Variants in TOMM34 observed in about 807,000 individuals in gnomAD.
The protein encoded by TOMM34 is translocase of outer mitochondrial membrane 34, also known as mitochondrial import receptor subunit TOM34.
In TOMM34, 24 loss-of-function variants were observed where a neutral mutation model predicts 37.4. The ratio of observed to expected loss-of-function variants is 0.64; its 90% CI spans 0.46 to 0.90. The LOEUF (loss-of-function observed/expected upper bound fraction) is 0.90. Among genes scored for constraint, TOMM34 ranks in the 40% least tolerant of loss-of-function variants. TOMM34 has a pLI of 0.00. For missense variants in TOMM34, 304 were observed against 375.6 expected (o/e 0.81, Z 1.58); for synonymous variants, 154 against 148.9 (o/e 1.03, Z -0.25).
chr20:44,945,903 G>C (rs1256749568), intron 5 of TOMM34, among the ~76,000 whole-genome samples: 1 of 152,056 alleles, frequency 6.6e-6, no homozygotes, highest in Admixed American at 6.5e-5. Flanking sequence ...TGTCACCCAG[G>C]CTGGAGTGCA....
Position 44,960,348 on chromosome 20 carries a change from G to C in TOMM34, c.-15C>G, listed in dbSNP as rs1251563320. The C allele has an allele frequency of 1.3e-6, 2 of 1,553,278 alleles. No individual in the cohort carries two copies. The highest frequency in any genetic ancestry group is 3.7e-5 in the Admixed American group (2 of 53,998). The stretch of plus-strand genomic sequence containing the variant: ...TTGGGGGCCATCCCGTGGCCAGGCC[G>C]GCGAGTTGGGAGCTCCTTCCTTCCT... On this transcript the variant is annotated 5_prime_UTR_variant, in exon 1 of 7. Transcript: ENST00000372813.
At chr20:44,951,807 ACT>A in intron 4 of TOMM34, 24 bp downstream of exon 4, 5 of 1,604,290 alleles carry the variant, frequency 3.1e-6, no homozygotes, top group Non-Finnish European at 4.3e-6. Context: ...AGATTGCAAG[ACT>A]CTGGGCAGGG....
chr20:44,958,205 C>T (rs962136046), intron 1 of TOMM34: 8 of 383,210 alleles, frequency 2.1e-5, no homozygotes, highest in Non-Finnish European at 3.8e-5. Flanking sequence ...TAAAGCATTT[C>T]CTAAGAGGCA....
chr20:44,949,938 G>A (rs550589214), intron 4 of TOMM34, among the ~76,000 whole-genome samples: 1 of 152,216 alleles, frequency 6.6e-6, no homozygotes, highest in East Asian at 1.9e-4. Context: ...TCCCCTTAAT[G>A]TTATATTTCT....
chr20:44,943,649 T>G (rs946880057), intron 5 of TOMM34, 70 bp from the exon 6 acceptor site: 60 of 1,601,782 alleles, frequency 3.7e-5, no homozygotes, highest in Non-Finnish European at 5.0e-5. Flanking sequence ...CGCAGTAGTT[T>G]GAGAAGTGAT....
At chr20:44,950,551 G>T (rs1022933870) in intron 4 of TOMM34, among the ~76,000 whole-genome samples, 5 of 152,194 alleles carry the variant, frequency 3.3e-5, no homozygotes, top group African/African-American at 1.2e-4. Flanking sequence ...GACCCTGAAA[G>T]AATGAAATCA....
At chr20:44,948,963 A>T in intron 4 of TOMM34, 86 bp from the exon 5 acceptor site, 1 of 1,490,368 alleles carries the variant, frequency 6.7e-7, no homozygotes, top group Non-Finnish European at 9.0e-7. Context: ...GTCCCTTCCA[A>T]ACTGACTACA....
In TOMM34 at chr20:44,943,005, A is replaced by AG; in HGVS notation, c.*103dup. On this transcript the variant is annotated 3_prime_UTR_variant, in exon 7 of 7. Coordinates refer to ENST00000372813, the MANE Select transcript of TOMM34 (RefSeq NM_006809.5). Reference sequence around the variant, plus strand: ...CAAGGGATTGAGGAGGGGGCTTCAGAGCTCACTTGGGGCATGCTGGGTTTC... The same window carrying AG: ...CAAGGGATTGAGGAGGGGGCTTCAGAGGCTCACTTGGGGCATGCTGGGTTTC... The AG allele has an allele frequency of 9.3e-7, 1 of 1,074,840 alleles. No homozygotes were observed. The highest frequency in any genetic ancestry group is 1.3e-5 in the South Asian group (1 of 74,226). 66.6% of individuals were successfully genotyped at this position (1,074,840 alleles called of 1,614,324 possible).
At position 44,960,202 on chromosome 20, in the gene TOMM34, C is replaced by A; in HGVS notation, c.127+5G>T. 2 of 1,556,566 alleles carry A rather than the reference C, an allele frequency of 1.3e-6. No homozygotes were observed. Among genetic ancestry groups the A allele is most frequent in the South Asian group, 1.2e-5 (1 of 84,584 alleles). ...CCGGAGGTGAGATGGGGGCCGGGGT[C>A]GTACCTTGCGCCTGCAGCACCCGCA... On this transcript the variant is annotated splice_donor_5th_base_variant and intron_variant, in intron 1 of 6. Coordinates refer to ENST00000372813, the MANE Select transcript of TOMM34 (RefSeq NM_006809.5).
At chr20:44,949,139 A>G (rs1227729317) in intron 4 of TOMM34, among the ~76,000 whole-genome samples, 2 of 152,222 alleles carry the variant, frequency 1.3e-5, no homozygotes, top group African/African-American at 4.8e-5. Flanking sequence ...TAAATGATAA[A>G]AAGCAACCCA....
intron 2 of TOMM34, chr20:44,955,589 A>T (rs1402811641): frequency 2.2e-6 from 1 of 462,474 alleles, no homozygotes; most frequent in Admixed American, 2.3e-5. Context: ...TGGTGTCTGA[A>T]TTCCACCTCT....
Position 44,942,822 on chromosome 20 carries a change from T to C in TOMM34, c.*287A>G, listed in dbSNP as rs2066946654. On this transcript the variant is annotated 3_prime_UTR_variant, in exon 7 of 7. Coordinates refer to ENST00000372813, the MANE Select transcript of TOMM34 (RefSeq NM_006809.5). The stretch of plus-strand genomic sequence containing the variant: ...CAAATGCTTTGCTGATGAGGATCTG[T>C]TGGTGTGATCAGCTAGCTGGGCTGG... The C allele has an allele frequency of 2.0e-6, 1 of 496,646 alleles. No individual in the cohort carries two copies. The allele number at this position is 496,646 out of a possible 1,614,324, so 30.8% of individuals were successfully genotyped here.
At chr20:44,955,262 C>G in intron 2 of TOMM34, 42 bp from the exon 3 acceptor site, 1 of 1,603,510 alleles carries the variant, frequency 6.2e-7, no homozygotes, top group Non-Finnish European at 8.5e-7. Context: ...GGCTGCTGAG[C>G]CACCAGGGTT....
chr20:44,952,123 G>T, intron 3 of TOMM34, 121 bp from the exon 4 acceptor site: 1 of 1,217,756 alleles, frequency 8.2e-7, no homozygotes, highest in Non-Finnish European at 1.1e-6. Flanking sequence ...CCTCCCCCTG[G>T]TCGGAACCAC....
In TOMM34 at chr20:44,960,384, G is replaced by T. The variant is rs751825883; in HGVS notation, c.-51C>A. 6.8e-7 allele frequency: 1 copy of T among 1,472,586 alleles called. No homozygotes were observed. The highest frequency in any genetic ancestry group is 1.4e-5 in the South Asian group (1 of 73,506). 91.2% of individuals were successfully genotyped at this position (1,472,586 alleles called of 1,614,324 possible). ...AGCTCCTTCCTTCCTCCCCCGTGTG[G>T]TGCGGCACACCTTCCGGGCGCAAGC... is the stretch of plus-strand genomic sequence containing the variant. On this transcript the variant is annotated 5_prime_UTR_variant, in exon 1 of 7. Transcript: ENST00000372813.
chr20:44,960,277 A>G lies in TOMM34; in HGVS notation c.57T>C (p.Ser19=), dbSNP rs1407594116. 4 of 1,580,594 alleles carry G rather than the reference A, an allele frequency of 2.5e-6. No homozygotes were observed. Among genetic ancestry groups the G allele is most frequent in the Non-Finnish European group, 3.4e-6 (4 of 1,164,306 alleles). ...VEELRAAGNE[S]FRNGQYAEAS... The stretch of plus-strand genomic sequence containing the variant: ...CCTCGGCGTACTGGCCGTTGCGGAA[A>G]CTCTCATTGCCGGCGGCGCGGAGCT... Residue 19 remains serine (S), a synonymous_variant, in exon 1 of 7, where the codon AGT becomes AGC. Coordinates refer to ENST00000372813, the MANE Select transcript of TOMM34 (RefSeq NM_006809.5).
rs369673094 is a variant in TOMM34 at position 44,960,377 on chromosome 20, C to A, written c.-44G>T. Reference sequence around the variant, plus strand: ...AGTTGGGAGCTCCTTCCTTCCTCCCCCGTGTGGTGCGGCACACCTTCCGGG... The same window carrying A: ...AGTTGGGAGCTCCTTCCTTCCTCCCACGTGTGGTGCGGCACACCTTCCGGG... On this transcript the variant is annotated 5_prime_UTR_variant, in exon 1 of 7. Coordinates refer to ENST00000372813, the MANE Select transcript of TOMM34 (RefSeq NM_006809.5). 63 of 1,499,352 alleles carry A rather than the reference C, an allele frequency of 4.2e-5. No individual in the cohort carries two copies. Among genetic ancestry groups the A allele is most frequent in the South Asian group, 4.0e-4 (31 of 77,382 alleles). 92.9% of individuals were successfully genotyped at this position (1,499,352 alleles called of 1,614,324 possible).
chr20:44,960,206 C>T lies in TOMM34; in HGVS notation c.127+1G>A. ...AGGTGAGATGGGGGCCGGGGTCGTA[C>T]CTTGCGCCTGCAGCACCCGCAGCGC... On this transcript the variant is annotated splice_donor_variant, in intron 1 of 6. Coordinates refer to ENST00000372813, the MANE Select transcript of TOMM34 (RefSeq NM_006809.5). LOFTEE classifies it high-confidence loss of function. 6.4e-7 allele frequency: 1 copy of T among 1,557,844 alleles called. No individual in the cohort carries two copies. Among genetic ancestry groups the T allele is most frequent in the Non-Finnish European group, 8.7e-7 (1 of 1,152,120 alleles).
intron 1 of TOMM34, chr20:44,959,827 A>C (rs2067109389): frequency 6.0e-6 from 4 of 672,162 alleles, no homozygotes; most frequent in Non-Finnish European, 7.3e-6. Flanking sequence ...CTCGCTTAAG[A>C]CTCACGTCCT....
Sources: allele counts gnomAD v4.1 joint callset (sites outside exome capture counted in the v4.1 genomes callset), GRCh38; gene constraint gnomAD v4.1.1; transcripts MANE v1.5; gene names NCBI Gene and HGNC (gene_info 2026-07-23, HGNC 2026-07-21).